The following RPH3AL variants were observed in gnomAD, a reference collection of about 807,000 sequenced individuals.
RPH3AL encodes rab effector Noc2.
A neutral mutation model predicts 43.1 loss-of-function variants in RPH3AL; 38 were observed. The ratio of observed to expected loss-of-function variants is 0.88; its 90% confidence interval spans 0.68 to 1.15. The LOEUF (loss-of-function observed/expected upper bound fraction) is 1.15. Ranked by LOEUF, RPH3AL falls within the 50% of genes most tolerant of loss-of-function variation. RPH3AL has a pLI of 0.00. For synonymous variants in RPH3AL, 189 were observed against 176.3 expected (o/e 1.07, Z -0.57); for missense variants, 462 against 423.2 (o/e 1.09, Z -0.81).
chr17:291,779 A>G (rs1267758637), intron 5 of RPH3AL, among the ~76,000 whole-genome samples: 1 of 152,182 alleles, frequency 6.6e-6, no homozygotes, highest in Admixed American at 6.5e-5. Context: ...ATTCACCATA[A>G]GCTGTTAAGT....
At chr17:244,449 G>A (rs2041696977) in intron 7 of RPH3AL, among the ~76,000 whole-genome samples, 1 of 152,046 alleles carries the variant, frequency 6.6e-6, no homozygotes, top group African/African-American at 2.4e-5. Flanking sequence ...GGGGGGGAGA[G>A]GGAGAGAAAG....
intron 7 of RPH3AL, among the ~76,000 whole-genome samples, chr17:233,896 A>T (rs112905904): frequency 7.1e-5 from 2 of 28,368 alleles, no homozygotes; most frequent in African/African-American, 2.0e-4. Flanking sequence ...ACTTTCCCCC[A>T]AGCGGGGAGC....
chr17:329,160 G>GA lies in RPH3AL; in HGVS notation c.-36-1582dup, dbSNP rs540127017. On this transcript the variant is annotated intron_variant, in intron 2 of 9. Transcript: ENST00000331302. ...CAACTTCAGCACAAACACAGACCATGAAAAAAAAAATGAATTATAACTCAT... is the reference window on the plus strand; with the variant it reads ...CAACTTCAGCACAAACACAGACCATGAAAAAAAAAAATGAATTATAACTCAT... 3.9e-3 allele frequency among the ~76,000 whole-genome samples: 578 copies of GA among 149,360 alleles called. 4 individuals carry two copies. The highest frequency in any genetic ancestry group is 0.012 in the African/African-American group (485 of 40,718).
Position 246,822 on chromosome 17 carries a change from G to A in RPH3AL, c.613+289C>T, listed in dbSNP as rs7405600. 0.25 allele frequency among the ~76,000 whole-genome samples: 38,065 copies of A among 152,164 alleles called. 5,007 individuals carry two copies. The highest frequency in any genetic ancestry group is 0.36 in the East Asian group (1,877 of 5,166). On this transcript the variant is annotated intron_variant, in intron 7 of 9. Coordinates refer to ENST00000331302, the MANE Select transcript of RPH3AL (RefSeq NM_006987.4). This position sits in a 1 kb window ranked among gnomAD's most constrained non-coding sequence, Gnocchi z 4.8. The stretch of plus-strand genomic sequence containing the variant: ...TGACGTCCCATTTCTGTGAAGATGC[G>A]TAGTGCTGCTCATGGCATCCTTGCC...
intron 5 of RPH3AL, among the ~76,000 whole-genome samples, chr17:294,986 G>A (rs1213581256): frequency 9.6e-6 from 1 of 103,750 alleles, no homozygotes; most frequent in African/African-American, 4.1e-5. Flanking sequence ...CACAGATGCT[G>A]TAGAAATGGA....
intron 6 of RPH3AL, among the ~76,000 whole-genome samples, chr17:253,606 A>C (rs955787306): frequency 5.9e-5 from 9 of 152,124 alleles, no homozygotes; most frequent in Non-Finnish European, 1.3e-4. Flanking sequence ...GAAACTCTAT[A>C]ACCACTAAGC....
At chr17:313,352 G>C (rs1358018696) in intron 5 of RPH3AL, among the ~76,000 whole-genome samples, 1 of 152,194 alleles carries the variant, frequency 6.6e-6, no homozygotes, top group Non-Finnish European at 1.5e-5. Flanking sequence ...TGAAATCTCA[G>C]CTCCTGACCT....
chr17:227,082 TC>T (rs1191826847), intron 7 of RPH3AL, among the ~76,000 whole-genome samples: 12 of 151,618 alleles, frequency 7.9e-5, no homozygotes, highest in Non-Finnish European at 1.5e-4. Flanking sequence ...GGGGAGAAGC[TC>T]CCCTCCTGGG....
Position 225,284 on chromosome 17 carries a change from G to A in RPH3AL, c.614-5548C>T, listed in dbSNP as rs1174135678. On this transcript the variant is annotated intron_variant, in intron 7 of 9. Transcript: ENST00000331302. The surrounding 1 kb of genome is among the most constrained non-coding windows in gnomAD (Gnocchi z 4.4). Reference sequence around the variant, plus strand: ...GAGGAGATGGGGATGGGGCATGGCTGTGGTCCGTGTGCCCTCTTCGTAGTA... The same window carrying A: ...GAGGAGATGGGGATGGGGCATGGCTATGGTCCGTGTGCCCTCTTCGTAGTA... Among the ~76,000 whole-genome samples the A allele has an allele frequency of 2.0e-5, 3 of 152,144 alleles. No homozygotes were observed. Among genetic ancestry groups the A allele is most frequent in the Non-Finnish European group, 4.4e-5 (3 of 68,036 alleles).
chr17:235,835 C>G (rs1274124872), intron 7 of RPH3AL, among the ~76,000 whole-genome samples: 8 of 141,544 alleles, frequency 5.7e-5, no homozygotes, highest in South Asian at 2.3e-4. Context: ...AGGCTCTACA[C>G]TAACAAGACA....
intron 5 of RPH3AL, among the ~76,000 whole-genome samples, chr17:314,941 G>C (rs574949973): frequency 1.5e-5 from 2 of 136,122 alleles, no homozygotes; most frequent in African/African-American, 3.0e-5. Context: ...CCATTGACCT[G>C]TAGTCTCTGT....
rs1002794296 is a variant in RPH3AL at position 283,168 on chromosome 17, C to T, written c.352-1314G>A. The stretch of plus-strand genomic sequence containing the variant: ...CTGCGTGGGTGGGGGCTCTCTGCAG[C>T]CCCCCGCCGAGGGAAGGTTGCATCT... On this transcript the variant is annotated intron_variant, in intron 5 of 9. Transcript: ENST00000331302. This position sits in a 1 kb window ranked among gnomAD's most constrained non-coding sequence, Gnocchi z 4.2. 6.6e-6 allele frequency among the ~76,000 whole-genome samples: 1 copy of T among 152,186 alleles called. No individual in the cohort carries two copies. The highest frequency in any genetic ancestry group is 1.5e-5 in the Non-Finnish European group (1 of 68,036).
chr17:250,117 CGCTGCGGG>C (rs2041858388), intron 6 of RPH3AL, among the ~76,000 whole-genome samples: 11 of 147,794 alleles, frequency 7.4e-5, no homozygotes, highest in Non-Finnish European at 1.2e-4. Flanking sequence ...TAAGCTCCAT[CGCTGCGGG>C]ACCTCTCGGA....
chr17:343,606 C>T (rs1193702283), intron 1 of RPH3AL, among the ~76,000 whole-genome samples: 1 of 152,208 alleles, frequency 6.6e-6, no homozygotes, highest in African/African-American at 2.4e-5. Flanking sequence ...AAATGAGTAG[C>T]TGCCTCCTGG....
rs558235354 is a variant in RPH3AL, at chr17:277,011, T to C, written c.438+4757A>G. ...TAATTACATAAAATTACAGACCAGC[T>C]AATTATTAGAAAAATAAAATAACTC... is the stretch of plus-strand genomic sequence containing the variant. On this transcript the variant is annotated intron_variant, in intron 6 of 9. Transcript: ENST00000331302. Among the ~76,000 whole-genome samples the C allele has an allele frequency of 1.2e-3, 182 of 152,282 alleles. 1 individual carries two copies. Among genetic ancestry groups the C allele is most frequent in the South Asian group, 2.1e-3 (10 of 4,830 alleles).
At chr17:236,676 C>G (rs1173341984) in intron 7 of RPH3AL, among the ~76,000 whole-genome samples, 2 of 152,246 alleles carry the variant, frequency 1.3e-5, no homozygotes, top group African/African-American at 4.8e-5. Flanking sequence ...GCCTCGCCAG[C>G]CTTCGTCTCC....
At chr17:261,970 T>G (rs1349808899) in intron 6 of RPH3AL, 3 of 152,118 alleles carry the variant, frequency 2.0e-5, no homozygotes, top group Non-Finnish European at 4.4e-5. Context: ...TAAAAGAGGA[T>G]GTAAAGTTTC....
chr17:335,420 C>T (rs1360309152), intron 1 of RPH3AL, among the ~76,000 whole-genome samples: 1 of 152,038 alleles, frequency 6.6e-6, no homozygotes, highest in Non-Finnish European at 1.5e-5. Context: ...CCAGGGGTGG[C>T]TGGTGCCCTC....
At chr17:335,325 C>T (rs2044923666) in intron 1 of RPH3AL, among the ~76,000 whole-genome samples, 1 of 152,124 alleles carries the variant, frequency 6.6e-6, no homozygotes, top group Admixed American at 6.5e-5. Flanking sequence ...GTGCCTAGGA[C>T]ACCCACGTGC....
Sources: allele counts gnomAD v4.1 joint callset (sites outside exome capture counted in the v4.1 genomes callset), GRCh38; gene constraint gnomAD v4.1.1; non-coding constraint Gnocchi (gnomAD v3.1); transcripts MANE v1.5; gene names NCBI Gene and HGNC (gene_info 2026-07-23, HGNC 2026-07-21).